SLC9A8: variants seen among roughly 807,000 people sequenced by gnomAD.
SLC9A8 encodes the protein solute carrier family 9 member A8, also known as sodium/hydrogen exchanger 8.
A neutral mutation model predicts 66.6 loss-of-function variants in SLC9A8; 48 were observed. The observed-to-expected ratio is 0.72, with a 90% CI of 0.57 to 0.92. The LOEUF is 0.92. Ranked by LOEUF, SLC9A8 falls within the 40% of genes least tolerant of loss-of-function variation. The probability of loss-of-function intolerance (pLI) is 0.00; values close to 1 mark genes in which losing one functional copy is unlikely to be tolerated. For synonymous variants in SLC9A8, 274 were observed against 282.6 expected, an observed-to-expected ratio of 0.97 and a Z score of 0.31; for missense variants, 599 against 747.3, an observed-to-expected ratio of 0.80 and a Z score of 2.31.
rs577018904 is a variant in SLC9A8, at chr20:49,867,872, C to G, written c.958+3028C>G. On this transcript the variant is annotated intron_variant, in intron 10 of 15. Coordinates refer to ENST00000361573, the MANE Select transcript of SLC9A8 (RefSeq NM_015266.3). ...CAGTGGTCTCTAGTGACTCAGTTGA[C>G]AGAACTTTTCTACCCAGTCGCTATC... Among the ~76,000 whole-genome samples the G allele has an allele frequency of 1.4e-3, 213 of 152,356 alleles. 1 individual carries two copies. The highest frequency in any genetic ancestry group is 6.8e-3 in the Middle Eastern group (2 of 292).
At chr20:49,865,589 G>A (rs562026230) in intron 10 of SLC9A8, among the ~76,000 whole-genome samples, 64 of 152,178 alleles carry the variant, frequency 4.2e-4, no homozygotes, top group East Asian at 2.3e-3. Context: ...ACTCTGATGC[G>A]GCCCTAGAAG....
chr20:49,813,891 CGG>C (rs1281090357), intron 1 of SLC9A8, among the ~76,000 whole-genome samples: 1 of 152,096 alleles, frequency 6.6e-6, no homozygotes, highest in Non-Finnish European at 1.5e-5. Flanking sequence ...TGGGGAAGGA[CGG>C]GCTGTGTCCT....
chr20:49,817,321 C>G (rs2086587271), intron 2 of SLC9A8, among the ~76,000 whole-genome samples: 1 of 151,104 alleles, frequency 6.6e-6, no homozygotes, highest in African/African-American at 2.4e-5. Context: ...CCATACCCCA[C>G]CCCCCCAAAA....
intron 14 of SLC9A8, 161 bp downstream of exon 14, chr20:49,884,227 C>CACGCG (rs1555848217): frequency 0.014 from 2,933 of 215,856 alleles, 123 homozygotes; most frequent in Non-Finnish European, 0.018. Context: ...CACACACACA[C>CACGCG]ACACACACAC....
At chr20:49,836,177 C>A (rs1006918371) in intron 3 of SLC9A8, among the ~76,000 whole-genome samples, 6 of 152,290 alleles carry the variant, frequency 3.9e-5, no homozygotes, top group African/African-American at 1.4e-4. Flanking sequence ...AATATATGGT[C>A]TTTTGTGTCT....
rs1179046900 is a variant in SLC9A8, at chr20:49,884,284, C to CACG, written c.1491+220_1491+221insGAC. Reference sequence around the variant, plus strand: ...GACACACACACACACGACACACACACACACGACACACACACACACACACAC... The same window carrying CACG: ...GACACACACACACACGACACACACACACGACACGACACACACACACACACACAC... On this transcript the variant is annotated intron_variant, in intron 14 of 15. Coordinates refer to ENST00000361573, the MANE Select transcript of SLC9A8 (RefSeq NM_015266.3). 121 of 294,986 alleles carry CACG rather than the reference C, an allele frequency of 4.1e-4. 12 individuals are homozygous for CACG. Among genetic ancestry groups the CACG allele is most frequent in the African/African-American group, 2.3e-3 (46 of 19,706 alleles). 18.3% of individuals were successfully genotyped at this position (294,986 alleles called of 1,614,324 possible). A position where few individuals can be genotyped will look rare whatever the true frequency, so the allele number is the denominator to read the frequency against.
intron 10 of SLC9A8, among the ~76,000 whole-genome samples, chr20:49,867,069 C>T (rs920670166): frequency 6.6e-6 from 1 of 152,002 alleles, no homozygotes; most frequent in African/African-American, 2.4e-5. Flanking sequence ...TTGCTAATTC[C>T]GTCATCTCTG....
intron 4 of SLC9A8, among the ~76,000 whole-genome samples, chr20:49,840,526 A>G (rs2087717952): frequency 1.3e-5 from 2 of 152,196 alleles, no homozygotes. Context: ...CAAACCTTAT[A>G]GACTAACGTA....
Position 49,831,542 on chromosome 20 carries a change from A to G in SLC9A8, c.290-7999A>G, listed in dbSNP as rs117715210. Among the ~76,000 whole-genome samples, 1,358 of 152,224 alleles carry G rather than the reference A, an allele frequency of 8.9e-3. 13 individuals carry two copies. The highest frequency in any genetic ancestry group is 0.014 in the Non-Finnish European group (966 of 68,008). ...AAACCCCTTCCAGTCAAGGAACTAG[A>G]ATCAGCAATGAGAGTTGGAAGCCTT... is the stretch of plus-strand genomic sequence containing the variant. On this transcript the variant is annotated intron_variant, in intron 3 of 15. Transcript: ENST00000361573.
chr20:49,847,133 C>T (rs1208457357), intron 5 of SLC9A8, among the ~76,000 whole-genome samples: 2 of 151,334 alleles, frequency 1.3e-5, no homozygotes, highest in Non-Finnish European at 2.9e-5. Context: ...GTGCATCTAT[C>T]CAAAGAAAAA....
At chr20:49,858,990 C>G (rs186880328) in intron 8 of SLC9A8, among the ~76,000 whole-genome samples, 2 of 151,818 alleles carry the variant, frequency 1.3e-5, no homozygotes, top group Admixed American at 1.3e-4. Context: ...AAACCAAGAT[C>G]GTCTGTGGTA....
At chr20:49,872,954 AC>A (rs545620779) in intron 10 of SLC9A8, among the ~76,000 whole-genome samples, 49 of 152,104 alleles carry the variant, frequency 3.2e-4, no homozygotes, top group African/African-American at 1.2e-3. Context: ...TGAAATAGAG[AC>A]CCCTTTCCTG....
At chr20:49,838,976 G>T (rs542070215) in intron 3 of SLC9A8, among the ~76,000 whole-genome samples, 1 of 152,270 alleles carries the variant, frequency 6.6e-6, no homozygotes, top group African/African-American at 2.4e-5. Context: ...ATTTTTGGTG[G>T]CCACTTTATA....
At chr20:49,843,197 G>C (rs55746532) in intron 4 of SLC9A8, among the ~76,000 whole-genome samples, 22,976 of 151,368 alleles carry the variant, frequency 0.15, 3,091 homozygotes, top group African/African-American at 0.37. Context: ...TTCCTGGGGT[G>C]GGGGGGGCTA....
At chr20:49,851,954 G>A (rs528465541) in intron 7 of SLC9A8, among the ~76,000 whole-genome samples, 2 of 152,368 alleles carry the variant, frequency 1.3e-5, no homozygotes, top group East Asian at 3.9e-4. Flanking sequence ...CTGTGAAGTT[G>A]AATTGAATCA....
chr20:49,883,490 T>C (rs1244743146), intron 13 of SLC9A8, among the ~76,000 whole-genome samples: 1 of 152,170 alleles, frequency 6.6e-6, no homozygotes, highest in Non-Finnish European at 1.5e-5. Context: ...ACTGAGCACC[T>C]GCCCAGGCCT....
chr20:49,852,303 T>G (rs1197069963), intron 7 of SLC9A8, among the ~76,000 whole-genome samples: 2 of 152,138 alleles, frequency 1.3e-5, no homozygotes, highest in Non-Finnish European at 2.9e-5. Flanking sequence ...TTTAAATACT[T>G]TTTTTTCAAA....
chr20:49,881,822 T>C (rs181899721), intron 13 of SLC9A8, among the ~76,000 whole-genome samples: 3 of 152,354 alleles, frequency 2.0e-5, no homozygotes, highest in Admixed American at 2.0e-4. Context: ...CTCATTTTTT[T>C]CCTAATCTCT....
intron 3 of SLC9A8, among the ~76,000 whole-genome samples, chr20:49,832,515 CA>C (rs1211157887): frequency 6.6e-6 from 1 of 152,142 alleles, no homozygotes; most frequent in Non-Finnish European, 1.5e-5. Flanking sequence ...TTGGATTTTC[CA>C]AAATCATAAT....
Sources: gnomAD v4.1 joint callset for allele counts (sites outside exome capture counted in the v4.1 genomes callset) on GRCh38, gnomAD v4.1.1 for gene constraint, MANE v1.5 for transcripts, NCBI Gene and HGNC (gene_info 2026-07-23, HGNC 2026-07-21) for gene names.